COP1: variants seen among roughly 807,000 people sequenced by gnomAD.
The protein encoded by COP1 is E3 ubiquitin-protein ligase COP1.
A neutral mutation model predicts 101.3 loss-of-function variants in COP1; 24 were observed. The observed-to-expected ratio is 0.24, with a 90% CI of 0.17 to 0.33. COP1 has a LOEUF of 0.33. COP1 is among the 10% of genes least tolerant of loss of function. The probability of loss-of-function intolerance (pLI) is 1.00; values close to 1 mark genes in which losing one functional copy is unlikely to be tolerated. For missense variants in COP1, 663 were observed against 906.2 expected (o/e 0.73, Z 3.45); for synonymous variants, 347 against 341.9 (o/e 1.01, Z -0.17).
chr1:175,989,338 A>T (rs372372343), intron 16 of COP1, 24 bp downstream of exon 16: 7 of 1,218,766 alleles, frequency 5.7e-6, no homozygotes, highest in African/African-American at 3.0e-5. Context: ...ATTAAGCTCA[A>T]CCTCTGAGGA....
At chr1:176,072,404 C>T (rs1677157938) in intron 11 of COP1, among the ~76,000 whole-genome samples, 2 of 152,308 alleles carry the variant, frequency 1.3e-5, no homozygotes, top group South Asian at 4.1e-4. Flanking sequence ...AGATGAATCT[C>T]TCAGCCTAAA....
At chr1:176,078,390 A>G (rs768948230) in intron 11 of COP1, among the ~76,000 whole-genome samples, 2 of 152,164 alleles carry the variant, frequency 1.3e-5, no homozygotes, top group Non-Finnish European at 2.9e-5. Context: ...AAAACAAGCA[A>G]TGGGGAAAGG....
intron 11 of COP1, among the ~76,000 whole-genome samples, chr1:176,051,457 T>C (rs545647637): frequency 1.3e-5 from 2 of 152,294 alleles, no homozygotes; most frequent in South Asian, 2.1e-4. Flanking sequence ...GCCAGTTGTA[T>C]AAAAGTACAG....
intron 2 of COP1, among the ~76,000 whole-genome samples, chr1:176,177,561 G>A (rs773469260): frequency 6.6e-6 from 1 of 151,902 alleles, no homozygotes; most frequent in African/African-American, 2.4e-5. Context: ...CTTTGTAGAT[G>A]TCTTTAATTC....
At chr1:176,085,747 A>G in intron 10 of COP1, 29 bp downstream of exon 10, 1 of 1,286,106 alleles carries the variant, frequency 7.8e-7, no homozygotes, top group East Asian at 2.3e-5. Flanking sequence ...TGTAGATTTC[A>G]GATAATTTGA....
intron 11 of COP1, among the ~76,000 whole-genome samples, chr1:176,052,256 G>A (rs933578343): frequency 6.6e-6 from 1 of 152,182 alleles, no homozygotes; most frequent in Admixed American, 6.5e-5. Context: ...CTAGGAGCAA[G>A]AGGCTATACT....
chr1:176,006,078 A>C (rs1334505409), intron 15 of COP1, among the ~76,000 whole-genome samples: 1 of 152,166 alleles, frequency 6.6e-6, no homozygotes, highest in Non-Finnish European at 1.5e-5. Flanking sequence ...CTTCCTGCTG[A>C]ATTGATCCCT....
chr1:176,006,456 C>T (rs1663241483), intron 15 of COP1, among the ~76,000 whole-genome samples: 1 of 152,162 alleles, frequency 6.6e-6, no homozygotes. Flanking sequence ...ATGGGCTTTA[C>T]AATTTGGCAT....
In COP1 at chr1:176,162,980, G is replaced by A; in HGVS notation, c.651C>T (p.His217=). ...LDHSVSSTNG[H]RWQIFQDWLG... ...ACCAATCTTGAAATATCTGCCACCTGTGGCCATTCTAAAAATGAAGAAAGA... is the reference window on the plus strand; with the variant it reads ...ACCAATCTTGAAATATCTGCCACCTATGGCCATTCTAAAAATGAAGAAAGA... Residue 217 remains histidine, a synonymous_variant, in exon 5 of 20, where the codon CAC becomes CAT. Transcript: ENST00000367669. 6.3e-7 allele frequency: 1 copy of A among 1,595,504 alleles called. No individual in the cohort carries two copies. The highest frequency in any genetic ancestry group is 1.2e-5 in the South Asian group (1 of 85,788).
At chr1:176,111,006 G>T (rs1413339301) in intron 9 of COP1, among the ~76,000 whole-genome samples, 1 of 152,034 alleles carries the variant, frequency 6.6e-6, no homozygotes, top group Non-Finnish European at 1.5e-5. Flanking sequence ...ACAAAAATTA[G>T]CTGGGTGTGG....
intron 1 of COP1, among the ~76,000 whole-genome samples, chr1:176,188,227 T>C (rs1007005641): frequency 3.3e-5 from 5 of 152,022 alleles, no homozygotes; most frequent in Admixed American, 2.0e-4. Context: ...AAGAGTACTA[T>C]CCACCCAAGC....
intron 1 of COP1, among the ~76,000 whole-genome samples, chr1:176,196,555 G>C (rs1483934231): frequency 6.6e-6 from 1 of 152,168 alleles, no homozygotes; most frequent in Non-Finnish European, 1.5e-5. Flanking sequence ...AACCTGAGTA[G>C]TGTCTATTAA....
At chr1:175,965,940 C>A (rs566546824) in intron 18 of COP1, among the ~76,000 whole-genome samples, 42 of 152,102 alleles carry the variant, frequency 2.8e-4, no homozygotes, top group Non-Finnish European at 4.0e-4. Flanking sequence ...TGTTTCTTTA[C>A]TTTATCCTAG....
At position 176,145,381 on chromosome 1, in the gene COP1, G is replaced by A. The variant is rs562947325; in HGVS notation, c.831+3625C>T. The stretch of plus-strand genomic sequence containing the variant: ...GGCAAGAACACAGTGCAACAGAAAT[G>A]CTCATACAATGCCTATGCCTGTAGG... On this transcript the variant is annotated intron_variant, in intron 6 of 19. Coordinates refer to ENST00000367669, the MANE Select transcript of COP1 (RefSeq NM_022457.7). 9.4e-5 allele frequency among the ~76,000 whole-genome samples: 7 copies of A among 74,244 alleles called. No individual in the cohort carries two copies. The East Asian group carries it at 1.8e-3, about 19-fold the overall frequency. 48.7% of individuals were successfully genotyped at this position (74,244 alleles called of 152,430 possible).
At chr1:175,969,223 C>T (rs566670733) in intron 18 of COP1, among the ~76,000 whole-genome samples, 18 of 152,182 alleles carry the variant, frequency 1.2e-4, no homozygotes, top group Non-Finnish European at 2.2e-4. Context: ...AGCAGATACT[C>T]TTAGGTAGAA....
chr1:176,203,381 T>C (rs1259347215), intron 1 of COP1, among the ~76,000 whole-genome samples: 1 of 152,184 alleles, frequency 6.6e-6, no homozygotes, highest in Non-Finnish European at 1.5e-5. Flanking sequence ...GAGCTTACTA[T>C]CTACATGCAA....
chr1:175,993,967 G>C (rs1486246359), intron 15 of COP1, among the ~76,000 whole-genome samples: 1 of 152,100 alleles, frequency 6.6e-6, no homozygotes, highest in Non-Finnish European at 1.5e-5. Flanking sequence ...TTGAAATGAA[G>C]GAAAAAATGT....
chr1:176,203,956 C>T (rs961620240), intron 1 of COP1, among the ~76,000 whole-genome samples: 4 of 152,150 alleles, frequency 2.6e-5, no homozygotes, highest in Non-Finnish European at 4.4e-5. Flanking sequence ...AATTCAGGTA[C>T]GTCTTCTTGG....
chr1:176,144,543 G>C (rs1475586892), intron 6 of COP1, among the ~76,000 whole-genome samples: 3 of 152,066 alleles, frequency 2.0e-5, no homozygotes, highest in African/African-American at 4.8e-5. Context: ...AAAAAGCACA[G>C]TAAGTTTACC....
Sources: gnomAD v4.1 joint callset for allele counts (sites outside exome capture counted in the v4.1 genomes callset) on GRCh38, gnomAD v4.1.1 for gene constraint, MANE v1.5 for transcripts, NCBI Gene and HGNC (gene_info 2026-07-23, HGNC 2026-07-21) for gene names.